The following DHX30 variants were observed in gnomAD, a reference collection of about 807,000 sequenced individuals.
DHX30 encodes ATP-dependent RNA helicase DHX30.
DHX30 carries 4 observed loss-of-function variants against 116.9 expected under a neutral mutation model. The ratio of observed to expected loss-of-function variants is 0.03; its 90% confidence interval spans 0.02 to 0.08. The LOEUF (loss-of-function observed/expected upper bound fraction) is 0.08. Ranked by LOEUF, DHX30 falls within the 10% of genes least tolerant of loss-of-function variation. The pLI is 1.00. For synonymous variants in DHX30, 697 were observed against 651.7 expected, an observed-to-expected ratio of 1.07 and a Z score of -1.06; for missense variants, 871 against 1,595.1, an observed-to-expected ratio of 0.55 and a Z score of 7.73.
Position 47,824,189 on chromosome 3 carries a change from G to C in DHX30, c.125-3158G>C, listed in dbSNP as rs559938139. On this transcript the variant is annotated intron_variant, in intron 4 of 21. Transcript: ENST00000445061. The stretch of plus-strand genomic sequence containing the variant: ...GGCTAATTTTTGTATTTTTAGTAGA[G>C]ATGGGGTTTCACCATGTTGGCCAGG... 1.3e-4 allele frequency among the ~76,000 whole-genome samples: 20 copies of C among 152,046 alleles called. No individual in the cohort carries two copies. In the South Asian group the frequency reaches 3.9e-3, roughly 30 times the overall value.
intron 1 of DHX30, among the ~76,000 whole-genome samples, 164 bp from the exon 2 acceptor site, chr3:47,805,162 G>A (rs1170296696): frequency 6.6e-6 from 1 of 152,204 alleles, no homozygotes; most frequent in Non-Finnish European, 1.5e-5. Flanking sequence ...AATGGGCCTA[G>A]AATGGGTCAT....
Position 47,848,639 on chromosome 3 carries a change from G to C in DHX30, c.2591G>C (p.Arg864Pro). The change falls in exon 17 of 22, where the codon CGG becomes CCG. Residue 864 changes from arginine to proline, a missense_variant. By Grantham distance (103) the Arg-to-Pro change is moderately radical (BLOSUM62 -2). Coordinates refer to ENST00000445061, the MANE Select transcript of DHX30 (RefSeq NM_138615.3). The surrounding 1 kb of genome is among the most constrained non-coding windows in gnomAD (Gnocchi z 9.4). ...GCCGTTGCAGGGGTGCTGGACCAGCGGGAGTACCTGACTACCCTGGGGCAG... is the reference window on the plus strand; with the variant it reads ...GCCGTTGCAGGGGTGCTGGACCAGCCGGAGTACCTGACTACCCTGGGGCAG... ...LLQEIGVLDQ[R>P]EYLTTLGQRL... 6.2e-7 allele frequency: 1 copy of C among 1,614,086 alleles called. No homozygotes were observed. The highest frequency in any genetic ancestry group is 8.5e-7 in the Non-Finnish European group (1 of 1,179,984).
At chr3:47,844,376 C>T (rs985112364) in intron 9 of DHX30, among the ~76,000 whole-genome samples, 2 of 152,234 alleles carry the variant, frequency 1.3e-5, no homozygotes, top group Non-Finnish European at 2.9e-5. Context: ...GCCTGATGCA[C>T]ACGCACTGTG....
intron 4 of DHX30, chr3:47,826,224 T>A (rs1021874541): frequency 6.6e-6 from 1 of 152,180 alleles, no homozygotes; most frequent in Non-Finnish European, 1.5e-5. Context: ...TGGCCCCCCA[T>A]GTTCCTAGCA....
At chr3:47,845,596 A>C in intron 9 of DHX30, 104 bp from the exon 10 acceptor site, 386 of 1,306,614 alleles carry the variant, frequency 3.0e-4, no homozygotes, top group Non-Finnish European at 3.5e-4. Context: ...AAAATCTCTT[A>C]GAGATTACTT....
At chr3:47,840,003 C>CT (rs58912618) in intron 6 of DHX30, among the ~76,000 whole-genome samples, 15 of 142,650 alleles carry the variant, frequency 1.1e-4, no homozygotes, top group East Asian at 2.1e-4. Flanking sequence ...CTTTTCTTTT[C>CT]TTTTTTTTTT....
intron 4 of DHX30, chr3:47,825,069 G>A (rs2036485546): frequency 1.5e-6 from 1 of 666,826 alleles, no homozygotes. Context: ...TCATGGCGCT[G>A]GCCGCCGGCA....
At chr3:47,825,241 G>GT in intron 4 of DHX30, 1 of 620,716 alleles carries the variant, frequency 1.6e-6, no homozygotes, top group Non-Finnish European at 2.9e-6. Flanking sequence ...CGGAAGCTTG[G>GT]TGAACGGTGA....
rs757966197 is a variant in DHX30, at chr3:47,838,866, C to CTTGT, written c.367-1992_367-1989dup. ...CATTTCTCTTCTGCTGCTTAGATTC[C>CTTGT]TTGTTTGTTTGTTTGTTTGTTTTTG... On this transcript the variant is annotated intron_variant, in intron 6 of 21. Coordinates refer to ENST00000445061, the MANE Select transcript of DHX30 (RefSeq NM_138615.3). 1.3e-3 allele frequency among the ~76,000 whole-genome samples: 199 copies of CTTGT among 152,206 alleles called. 5 individuals carry two copies. The highest frequency in any genetic ancestry group is 7.2e-4 in the Non-Finnish European group (49 of 68,010).
At chr3:47,816,089 G>A in intron 3 of DHX30, 1 of 985,150 alleles carries the variant, frequency 1.0e-6, no homozygotes, top group Non-Finnish European at 1.2e-6. Context: ...TAGGCATTTA[G>A]TTCTAGAAGA....
At chr3:47,836,858 T>G (rs760850544) in intron 6 of DHX30, among the ~76,000 whole-genome samples, 2 of 152,142 alleles carry the variant, frequency 1.3e-5, no homozygotes, top group African/African-American at 4.8e-5. Context: ...GGGTGTGAGA[T>G]GAGATCTTGT....
At position 47,848,117 on chromosome 3, in the gene DHX30, CAG is replaced by C. The variant is rs779763056; in HGVS notation, c.2287-62_2287-61del. ...ATGTAGGGGGCTGGTGAGGGTTACT[CAG>C]GGAGTGGGGAAGCACTGAGGAAGTG... On this transcript the variant is annotated intron_variant, in intron 14 of 21. Transcript: ENST00000445061. The surrounding 1 kb of genome is among the most constrained non-coding windows in gnomAD (Gnocchi z 9.4). The C allele has an allele frequency of 1.2e-5, 20 of 1,601,962 alleles. No individual in the cohort carries two copies. Among genetic ancestry groups the C allele is most frequent in the Admixed American group, 1.2e-4 (7 of 59,840 alleles).
At chr3:47,831,924 CTTTTTCTTTTTT>C (rs2036873126) in intron 6 of DHX30, among the ~76,000 whole-genome samples, 1 of 120,380 alleles carries the variant, frequency 8.3e-6, no homozygotes, top group Non-Finnish European at 1.7e-5. Flanking sequence ...AGGCCTTTTC[CTTTTTCTTTTTT>C]TTTTTTTTTT....
At chr3:47,816,784 T>TG in intron 3 of DHX30, 1 of 985,320 alleles carries the variant, frequency 1.0e-6, no homozygotes, top group Non-Finnish European at 1.2e-6. Context: ...AGGGTTGGAG[T>TG]GCAGGACTTG....
rs368951492 is a variant in DHX30, at chr3:47,810,068, G to A, written c.-27-589G>A. On this transcript the variant is annotated intron_variant, in intron 2 of 21. Transcript: ENST00000445061. Reference sequence around the variant, plus strand: ...TTAACTTAATATTTGTTATTTCATAGAGACTGCTATGAAAAGCTTTTTATT... The same window carrying A: ...TTAACTTAATATTTGTTATTTCATAAAGACTGCTATGAAAAGCTTTTTATT... 8.3e-4 allele frequency among the ~76,000 whole-genome samples: 126 copies of A among 152,164 alleles called. 1 individual carries two copies. Among genetic ancestry groups the A allele is most frequent in the South Asian group, 6.2e-3 (30 of 4,816 alleles).
intron 6 of DHX30, among the ~76,000 whole-genome samples, chr3:47,832,588 C>T (rs954629719): frequency 6.6e-6 from 1 of 151,888 alleles, no homozygotes; most frequent in Non-Finnish European, 1.5e-5. Flanking sequence ...CAGTGATTCT[C>T]AACCATGGAT....
At chr3:47,824,991 C>G (rs1339209369) in intron 4 of DHX30, 1 of 549,052 alleles carries the variant, frequency 1.8e-6, no homozygotes. Flanking sequence ...CTCCCGTTCT[C>G]TTCGCCCGGT....
At chr3:47,837,533 C>G (rs1201428363) in intron 6 of DHX30, among the ~76,000 whole-genome samples, 7 of 152,116 alleles carry the variant, frequency 4.6e-5, no homozygotes, top group Admixed American at 4.6e-4. Flanking sequence ...GAGGCTGAGG[C>G]GGGTGGATCA....
chr3:47,841,868 C>T (rs1049283201), intron 8 of DHX30, 131 bp downstream of exon 8: 1 of 1,295,364 alleles, frequency 7.7e-7, no homozygotes, highest in Admixed American at 1.9e-5. Flanking sequence ...GGTGGAGGAA[C>T]TCCTGCTTGG....
Sources: gnomAD v4.1 joint callset for allele counts (sites outside exome capture counted in the v4.1 genomes callset) on GRCh38, gnomAD v4.1.1 for gene constraint, Gnocchi (gnomAD v3.1) non-coding constraint, MANE v1.5 for transcripts, NCBI Gene and HGNC (gene_info 2026-07-23, HGNC 2026-07-21) for gene names.